Variants in SKI observed in about 807,000 individuals in gnomAD.
The protein encoded by SKI is ski oncogene.
Under a neutral mutation model 59.3 loss-of-function variants are expected in SKI, and 23 were observed. The observed-to-expected ratio is 0.39, with a 90% CI of 0.28 to 0.55. The LOEUF (loss-of-function observed/expected upper bound fraction) is 0.55, where lower values mean the gene tolerates loss of function less well. Among genes scored for constraint, SKI ranks in the 20% least tolerant of loss-of-function variants. The probability of loss-of-function intolerance (pLI) is 0.67; values close to 1 mark genes in which losing one functional copy is unlikely to be tolerated. For missense variants in SKI, 1,017 were observed against 1,038.9 expected, an observed-to-expected ratio of 0.98 and a Z score of 0.29; for synonymous variants, 673 against 488.6, an observed-to-expected ratio of 1.38 and a Z score of -4.98.
At chr1:2,285,593 C>T (rs1460777825) in intron 1 of SKI, among the ~76,000 whole-genome samples, 6 of 148,522 alleles carry the variant, frequency 4.0e-5, no homozygotes, top group Non-Finnish European at 7.4e-5. Context: ...GAGACGGAAT[C>T]TTGCTCTGTC....
intron 1 of SKI, among the ~76,000 whole-genome samples, chr1:2,271,448 G>A (rs903909): frequency 0.074 from 11,210 of 152,128 alleles, 913 homozygotes; most frequent in East Asian, 0.43. Context: ...CCCTTTTAAA[G>A]AAGACTCATT....
chr1:2,240,645 A>G, intron 1 of SKI: 1 of 985,484 alleles, frequency 1.0e-6, no homozygotes, highest in Non-Finnish European at 1.2e-6. Context: ...AGCATTAACA[A>G]GAAAACTTGG....
chr1:2,229,748 A>C lies in SKI; in HGVS notation c.969+13A>C. 1 of 1,553,032 alleles carries C rather than the reference A, an allele frequency of 6.4e-7. No homozygotes were observed. Among genetic ancestry groups the C allele is most frequent in the South Asian group, 1.2e-5 (1 of 84,370 alleles). On this transcript the variant is annotated intron_variant, in intron 1 of 6. Transcript: ENST00000378536. This position sits in a 1 kb window ranked among gnomAD's most constrained non-coding sequence, Gnocchi z 6.3. ...GCGGGTGCCCCGGGTGAGTGGCCCC[A>C]GGCCTGGGAGCTGGGGAGGATGCGC...
chr1:2,247,320 T>C (rs908738676), intron 1 of SKI, among the ~76,000 whole-genome samples: 1 of 112,278 alleles, frequency 8.9e-6, no homozygotes, highest in African/African-American at 4.4e-5. Flanking sequence ...AGGGGCGCCC[T>C]CAGCCTGGAG....
intron 5 of SKI, among the ~76,000 whole-genome samples, chr1:2,305,184 G>T (rs576991865): frequency 1.3e-5 from 2 of 152,192 alleles, no homozygotes; most frequent in Non-Finnish European, 2.9e-5. Context: ...TCTGCCTCAC[G>T]GTTCTCACGC....
chr1:2,229,390 G>T lies in SKI; in HGVS notation c.624G>T (p.Ala208=). The change falls in exon 1 of 7, where the codon GCG becomes GCT. Residue 208 remains alanine, a synonymous_variant. Coordinates refer to ENST00000378536, the MANE Select transcript of SKI (RefSeq NM_003036.4). This position sits in a 1 kb window ranked among gnomAD's most constrained non-coding sequence, Gnocchi z 6.3. ...PCKKELAASL[A]LGLELSERSV... is the part of the protein sequence containing the mutation. Reference sequence around the variant, plus strand: ...AGAAGGAGCTGGCCGCCAGCCTGGCGCTGGGCCTGGAGCTCAGCGAGCGCA... The same window carrying T: ...AGAAGGAGCTGGCCGCCAGCCTGGCTCTGGGCCTGGAGCTCAGCGAGCGCA... 6.2e-7 allele frequency: 1 copy of T among 1,605,468 alleles called. No individual in the cohort carries two copies. The highest frequency in any genetic ancestry group is 8.5e-7 in the Non-Finnish European group (1 of 1,176,226).
rs577757567 is a variant in SKI, at chr1:2,298,201, G to A, written c.970-4777G>A. On this transcript the variant is annotated intron_variant, in intron 1 of 6. Transcript: ENST00000378536. Reference sequence around the variant, plus strand: ...ATGTCTGTTTCAGCTGGATACATGCGCGCCCTCGTGGGGGCTTGAGGGCAC... The same window carrying A: ...ATGTCTGTTTCAGCTGGATACATGCACGCCCTCGTGGGGGCTTGAGGGCAC... Among the ~76,000 whole-genome samples the A allele has an allele frequency of 4.6e-5, 7 of 152,310 alleles. No individual in the cohort carries two copies. In the East Asian group the frequency reaches 7.7e-4, roughly 17 times the overall value.
In SKI at chr1:2,269,754, T is replaced by C. The variant is rs1209409924; in HGVS notation, c.970-33224T>C. Among the ~76,000 whole-genome samples, 2 of 151,790 alleles carry C rather than the reference T, an allele frequency of 1.3e-5. No individual in the cohort carries two copies. Among genetic ancestry groups the C allele is most frequent in the Non-Finnish European group, 2.9e-5 (2 of 68,002 alleles). Reference sequence around the variant, plus strand: ...GGCTGGCAGGAGGCTGCTTCAGGGCTCTGGACCAGAGCAGTGTGTGGCTGG... The same window carrying C: ...GGCTGGCAGGAGGCTGCTTCAGGGCCCTGGACCAGAGCAGTGTGTGGCTGG... On this transcript the variant is annotated intron_variant, in intron 1 of 6. Transcript: ENST00000378536. The surrounding 1 kb of genome is among the most constrained non-coding windows in gnomAD (Gnocchi z 4.7).
chr1:2,228,739 G>T lies in SKI; in HGVS notation c.-28G>T, dbSNP rs1057524766. 8 of 1,082,870 alleles carry T rather than the reference G, an allele frequency of 7.4e-6. No homozygotes were observed. The highest frequency in any genetic ancestry group is 9.0e-6 in the Non-Finnish European group (8 of 892,328). 67.1% of individuals were successfully genotyped at this position (1,082,870 alleles called of 1,614,324 possible). A position where few individuals can be genotyped will look rare whatever the true frequency, so the allele number is the denominator to read the frequency against. On this transcript the variant is annotated 5_prime_UTR_variant, in exon 1 of 7. Coordinates refer to ENST00000378536, the MANE Select transcript of SKI (RefSeq NM_003036.4). ...GGGGGGGCCCGGGCGCGCGGGAGCG[G>T]GAGCGGCCGGGGGAGCCGGAGCGCA...
At chr1:2,278,656 CTTT>C (rs373097389) in intron 1 of SKI, among the ~76,000 whole-genome samples, 1 of 145,656 alleles carries the variant, frequency 6.9e-6, no homozygotes, top group African/African-American at 2.5e-5. Flanking sequence ...TCTCTGGGGC[CTTT>C]TTTTTTTTAG....
At chr1:2,285,975 G>C (rs575276606) in intron 1 of SKI, among the ~76,000 whole-genome samples, 1 of 145,520 alleles carries the variant, frequency 6.9e-6, no homozygotes, top group Non-Finnish European at 1.5e-5. Flanking sequence ...CCCGGTTCAC[G>C]CCATTCTCCT....
intron 1 of SKI, among the ~76,000 whole-genome samples, chr1:2,249,939 C>G (rs764405322): frequency 6.6e-6 from 1 of 152,110 alleles, no homozygotes; most frequent in Non-Finnish European, 1.5e-5. Context: ...CAGTGTCACT[C>G]TGTCTCCCAG....
intron 1 of SKI, among the ~76,000 whole-genome samples, chr1:2,242,601 C>T (rs1638903003): frequency 6.6e-6 from 1 of 152,186 alleles, no homozygotes; most frequent in African/African-American, 2.4e-5. Context: ...CTCACTGCAG[C>T]TTTGACATCT....
intron 1 of SKI, among the ~76,000 whole-genome samples, chr1:2,293,179 G>A (rs904867040): frequency 1.3e-5 from 2 of 152,224 alleles, no homozygotes; most frequent in Non-Finnish European, 2.9e-5. Context: ...GTTGGGGCAG[G>A]CCACTGTGCG....
intron 1 of SKI, among the ~76,000 whole-genome samples, chr1:2,293,887 C>A (rs368128376): frequency 2.0e-4 from 30 of 152,356 alleles, no homozygotes; most frequent in African/African-American, 7.2e-4. Context: ...TCTGGGTTGT[C>A]CCTTCCAGTG....
rs1640476669 is a variant in SKI at position 2,303,381 on chromosome 1, C to T, written c.1192C>T (p.Pro398Ser). Residue 398 changes from proline (P) to serine (S), a missense_variant, in exon 3 of 7, where the codon CCG becomes TCG. By Grantham distance (74) the Pro-to-Ser change is moderately conservative. Coordinates refer to ENST00000378536, the MANE Select transcript of SKI (RefSeq NM_003036.4). This position sits in a 1 kb window ranked among gnomAD's most constrained non-coding sequence, Gnocchi z 5.6. The stretch of plus-strand genomic sequence containing the variant: ...TGAGAAAGAGCTCTCCCCACACCTC[C>T]CGGCCCTCATCCGAGACAGGTGAGT... ...ASEKELSPHL[P>S]ALIRDSFYSY... 2 of 1,613,294 alleles carry T rather than the reference C, an allele frequency of 1.2e-6. No individual in the cohort carries two copies. Among genetic ancestry groups the T allele is most frequent in the Non-Finnish European group, 8.5e-7 (1 of 1,179,924 alleles).
intron 1 of SKI, among the ~76,000 whole-genome samples, chr1:2,256,424 G>A (rs1639276564): frequency 1.3e-5 from 2 of 152,312 alleles, no homozygotes; most frequent in South Asian, 2.1e-4. Flanking sequence ...TGGCTGCTCC[G>A]TCCTTGCTCC....
chr1:2,277,702 G>C (rs1253764846), intron 1 of SKI, among the ~76,000 whole-genome samples: 1 of 144,180 alleles, frequency 6.9e-6, no homozygotes, highest in Non-Finnish European at 1.5e-5. Flanking sequence ...ATGGGCACAC[G>C]TGCACACACA....
chr1:2,237,049 G>C (rs1638762823), intron 1 of SKI, among the ~76,000 whole-genome samples: 1 of 152,196 alleles, frequency 6.6e-6, no homozygotes. Flanking sequence ...TCTGTCCTGA[G>C]GGTTCCACCC....
Sources: allele counts gnomAD v4.1 joint callset (sites outside exome capture counted in the v4.1 genomes callset), GRCh38; gene constraint gnomAD v4.1.1; non-coding constraint Gnocchi (gnomAD v3.1); transcripts MANE v1.5; gene names NCBI Gene and HGNC (gene_info 2026-07-23, HGNC 2026-07-21).